CFAP206: variants seen among roughly 807,000 people sequenced by gnomAD.
The protein encoded by CFAP206 is cilia and flagella associated protein 206, also known as cilia- and flagella-associated protein 206.
CFAP206 carries 53 observed loss-of-function variants against 65.4 expected under a neutral mutation model. The observed-to-expected ratio is 0.81, with a 90% CI of 0.65 to 1.02. The LOEUF (loss-of-function observed/expected upper bound fraction) is 1.02. Ranked by LOEUF, CFAP206 falls within the 50% of genes least tolerant of loss-of-function variation. The pLI, the probability that CFAP206 is intolerant of heterozygous loss-of-function variation, is 0.00. For synonymous variants in CFAP206, 250 were observed against 254.4 expected (o/e 0.98, Z 0.17); for missense variants, 663 against 753.2 (o/e 0.88, Z 1.40).
intron 7 of CFAP206, among the ~76,000 whole-genome samples, chr6:87,418,788 T>A (rs539895565): frequency 3.3e-5 from 5 of 152,008 alleles, no homozygotes; most frequent in Admixed American, 2.6e-4. Context: ...TTGTTCTCAC[T>A]GTAACAACTG....
rs142630041 is a variant in CFAP206 at position 87,410,575 on chromosome 6, T to C, written c.109-10T>C. The C allele has an allele frequency of 1.2e-6, 2 of 1,608,894 alleles. No individual in the cohort carries two copies. The highest frequency in any genetic ancestry group is 2.2e-5 in the East Asian group (1 of 44,826). On this transcript the variant is annotated splice_polypyrimidine_tract_variant and intron_variant, in intron 2 of 12. Coordinates refer to ENST00000369562, the MANE Select transcript of CFAP206 (RefSeq NM_001031743.3). ...TCCTAGTTAATGGACTCGTTCCTAC[T>C]TTTTTCTAGGTGAAAGCTGTTGTCC...
rs142630041 is a variant in CFAP206 at position 87,410,575 on chromosome 6, T to A, written c.109-10T>A. The A allele has an allele frequency of 6.2e-7, 1 of 1,608,894 alleles. No individual in the cohort carries two copies. Among genetic ancestry groups the A allele is most frequent in the Admixed American group, 1.7e-5 (1 of 59,910 alleles). On this transcript the variant is annotated splice_polypyrimidine_tract_variant and intron_variant, in intron 2 of 12. Transcript: ENST00000369562. ...TCCTAGTTAATGGACTCGTTCCTAC[T>A]TTTTTCTAGGTGAAAGCTGTTGTCC... is the stretch of plus-strand genomic sequence containing the variant.
chr6:87,431,915 G>C (rs1768165841), intron 10 of CFAP206, among the ~76,000 whole-genome samples: 1 of 152,152 alleles, frequency 6.6e-6, no homozygotes, highest in South Asian at 2.1e-4. Context: ...GGATTTCTCT[G>C]TTAGACGCCT....
At chr6:87,418,453 A>G in intron 7 of CFAP206, 37 bp downstream of exon 7, 1 of 1,568,400 alleles carries the variant, frequency 6.4e-7, no homozygotes, top group East Asian at 2.2e-5. Flanking sequence ...TTTTCTATAT[A>G]ATGCAATCTC....
intron 3 of CFAP206, among the ~76,000 whole-genome samples, chr6:87,413,375 G>A (rs150216680): frequency 2.0e-5 from 3 of 152,268 alleles, no homozygotes; most frequent in African/African-American, 7.2e-5. Context: ...AACTCAGAAA[G>A]TAAAATACCA....
chr6:87,441,827 C>G (rs1225827795), intron 11 of CFAP206: 1 of 268,812 alleles, frequency 3.7e-6, no homozygotes, highest in Non-Finnish European at 7.5e-6. Context: ...ATAAGAGAAG[C>G]TTTTCATTGA....
At chr6:87,412,720 A>G (rs1224339511) in intron 3 of CFAP206, among the ~76,000 whole-genome samples, 1 of 152,022 alleles carries the variant, frequency 6.6e-6, no homozygotes, top group Non-Finnish European at 1.5e-5. Context: ...GTGCGGTGGC[A>G]TGATCTTGGC....
intron 4 of CFAP206, 46 bp from the exon 5 acceptor site, chr6:87,415,640 A>C (rs922513909): frequency 2.0e-6 from 3 of 1,531,924 alleles, no homozygotes; most frequent in Non-Finnish European, 2.7e-6. Flanking sequence ...CGTAAGAAGA[A>C]TTCTAAAAAT....
rs116083752 is a variant in CFAP206 at position 87,441,846 on chromosome 6, C to T, written c.1494+6793C>T. 2.9e-3 allele frequency: 807 copies of T among 278,726 alleles called. 1 individual carries two copies. Among genetic ancestry groups the T allele is most frequent in the African/African-American group, 0.017 (753 of 43,830 alleles). The allele number at this position is 278,726 out of a possible 1,614,324, so 17.3% of individuals were successfully genotyped here. A position where few individuals can be genotyped will look rare whatever the true frequency, so the allele number is the denominator to read the frequency against. ...GAGAAGCTTTTCATTGAGCCAAATC[C>T]GATGTCATCCCTAGCAAACTTCAAC... On this transcript the variant is annotated intron_variant, in intron 11 of 12. Coordinates refer to ENST00000369562, the MANE Select transcript of CFAP206 (RefSeq NM_001031743.3).
In CFAP206 at chr6:87,426,614, C is replaced by A; in HGVS notation, c.929C>A (p.Ser310Ter). Residue 310 changes from serine (S) to a stop codon, truncating the protein, a stop_gained, in exon 8 of 13, where the codon TCA becomes TAA. Coordinates refer to ENST00000369562, the MANE Select transcript of CFAP206 (RefSeq NM_001031743.3). LOFTEE classifies it high-confidence loss of function. ...GAACAACTAAAAATGACCATAAAAT[C>A]AAAGATAGCGGTCCCAACATCACAA... ...HLEQLKMTIK[S>*]KIAVPTSQVF... The A allele has an allele frequency of 6.3e-7, 1 of 1,594,044 alleles. No individual in the cohort carries two copies. Among genetic ancestry groups the A allele is most frequent in the South Asian group, 1.2e-5 (1 of 86,690 alleles).
At chr6:87,415,529 A>C in intron 4 of CFAP206, 157 bp from the exon 5 acceptor site, 1 of 734,800 alleles carries the variant, frequency 1.4e-6, no homozygotes, top group Non-Finnish European at 2.4e-6. Flanking sequence ...TTGAGGCTAC[A>C]TGCTGGCCAC....
At chr6:87,438,983 C>T (rs1439794026) in intron 11 of CFAP206, among the ~76,000 whole-genome samples, 2 of 152,120 alleles carry the variant, frequency 1.3e-5, no homozygotes, top group East Asian at 1.9e-4. Context: ...TATCCTAATA[C>T]CACACTGCTT....
chr6:87,408,118 G>C (rs1266745190), intron 1 of CFAP206, 29 bp downstream of exon 1: 1 of 975,180 alleles, frequency 1.0e-6, no homozygotes, highest in African/African-American at 1.8e-5. Context: ...CCGCGCCCTT[G>C]ACCCGGAGGC....
intron 10 of CFAP206, among the ~76,000 whole-genome samples, chr6:87,431,961 A>G (rs1000130290): frequency 1.3e-5 from 2 of 152,198 alleles, no homozygotes; most frequent in African/African-American, 2.4e-5. Context: ...AAATTTCTCT[A>G]TGATGTATAT....
At chr6:87,461,235 G>T in intron 12 of CFAP206, 70 bp downstream of exon 12, 6 of 1,030,584 alleles carry the variant, frequency 5.8e-6, no homozygotes, top group Non-Finnish European at 8.0e-6. Flanking sequence ...TCATAGAGTT[G>T]GTAAATTAAA....
At position 87,423,622 on chromosome 6, in the gene CFAP206, G is replaced by A. The variant is rs574965842; in HGVS notation, c.841-2904G>A. Reference sequence around the variant, plus strand: ...GAATGCAACTTTTATTTTGGAGAACGTATGCAAATGTATTCCTGTTTCTTG... The same window carrying A: ...GAATGCAACTTTTATTTTGGAGAACATATGCAAATGTATTCCTGTTTCTTG... On this transcript the variant is annotated intron_variant, in intron 7 of 12. Coordinates refer to ENST00000369562, the MANE Select transcript of CFAP206 (RefSeq NM_001031743.3). Among the ~76,000 whole-genome samples, 72 of 152,290 alleles carry A rather than the reference G, an allele frequency of 4.7e-4. 2 individuals are homozygous for A. The East Asian group carries it at 0.013, about 28-fold the overall frequency.
rs571859862 is a variant in CFAP206, at chr6:87,414,710, A to G, written c.283+810A>G. 3.9e-5 allele frequency among the ~76,000 whole-genome samples: 6 copies of G among 152,260 alleles called. No homozygotes were observed. In the East Asian group the frequency reaches 9.6e-4, roughly 24 times the overall value. On this transcript the variant is annotated intron_variant, in intron 4 of 12. Transcript: ENST00000369562. ...TGCACCTGCTATATAAAACAAGTCT[A>G]TTTCTCTATGGACTACCTCTACCTC...
chr6:87,410,043 A>G (rs1767706091), intron 2 of CFAP206, 96 bp downstream of exon 2: 1 of 850,588 alleles, frequency 1.2e-6, no homozygotes, highest in Non-Finnish European at 1.9e-6. Flanking sequence ...GCTTTCATAA[A>G]TGTTTTTCAG....
chr6:87,448,434 A>G (rs918642085), intron 11 of CFAP206, among the ~76,000 whole-genome samples: 13 of 152,210 alleles, frequency 8.5e-5, no homozygotes, highest in Non-Finnish European at 1.5e-4. Context: ...ATACATGTAT[A>G]CAATGTATTA....
Sources: allele counts gnomAD v4.1 joint callset (sites outside exome capture counted in the v4.1 genomes callset), GRCh38; gene constraint gnomAD v4.1.1; transcripts MANE v1.5; gene names NCBI Gene and HGNC (gene_info 2026-07-23, HGNC 2026-07-21).